The following CFAP20DC variants were observed in gnomAD, a reference collection of about 807,000 sequenced individuals.
CFAP20DC encodes protein CFAP20DC.
Under a neutral mutation model 101.7 loss-of-function variants are expected in CFAP20DC, and 84 were observed. The ratio of observed to expected loss-of-function variants is 0.83; its 90% CI spans 0.69 to 0.99. The LOEUF is 0.99. CFAP20DC is among the 50% of genes least tolerant of loss of function. The pLI is 0.00. For synonymous variants in CFAP20DC, 359 were observed against 351.2 expected (o/e 1.02, Z -0.25); for missense variants, 1,007 against 970.3 (o/e 1.04, Z -0.50).
intron 15 of CFAP20DC, among the ~76,000 whole-genome samples, chr3:58,785,449 C>T (rs1200335906): frequency 6.6e-6 from 1 of 151,986 alleles, no homozygotes; most frequent in African/African-American, 2.4e-5. Context: ...GATACCAACA[C>T]ACAGAAATGA....
rs1392373336 is a variant in CFAP20DC, at chr3:58,892,561, T to C, written c.551-7852A>G. On this transcript the variant is annotated intron_variant, in intron 6 of 16. Coordinates refer to ENST00000482387, the MANE Select transcript of CFAP20DC (RefSeq NM_001394063.1). This position sits in a 1 kb window ranked among gnomAD's most constrained non-coding sequence, Gnocchi z 4.0. Reference sequence around the variant, plus strand: ...AGAGGTCCTTCAATTCCTTTGTTAATTGTATTCCTAGATATTTTATTCTTT... The same window carrying C: ...AGAGGTCCTTCAATTCCTTTGTTAACTGTATTCCTAGATATTTTATTCTTT... 2.6e-5 allele frequency among the ~76,000 whole-genome samples: 4 copies of C among 152,250 alleles called. No homozygotes were observed. The highest frequency in any genetic ancestry group is 5.9e-5 in the Non-Finnish European group (4 of 68,050).
intron 5 of CFAP20DC, among the ~76,000 whole-genome samples, chr3:58,923,747 T>G (rs556020416): frequency 6.6e-6 from 1 of 152,200 alleles, no homozygotes; most frequent in Non-Finnish European, 1.5e-5. Flanking sequence ...CCTCAGCTTA[T>G]GATTTGTTGA....
chr3:58,747,593 T>A (rs527721440), intron 16 of CFAP20DC, among the ~76,000 whole-genome samples: 1 of 152,340 alleles, frequency 6.6e-6, no homozygotes, highest in African/African-American at 2.4e-5. Flanking sequence ...TTTTCTCTCC[T>A]ATAGATCTTG....
chr3:58,990,463 G>A (rs1252111745), intron 4 of CFAP20DC, among the ~76,000 whole-genome samples: 1 of 152,160 alleles, frequency 6.6e-6, no homozygotes, highest in Non-Finnish European at 1.5e-5. Context: ...GTACTGCACA[G>A]AGTAAACAGG....
chr3:58,975,374 C>T (rs2092216639), intron 4 of CFAP20DC, among the ~76,000 whole-genome samples: 1 of 152,130 alleles, frequency 6.6e-6, no homozygotes, highest in African/African-American at 2.4e-5. Context: ...CAAATGCCTG[C>T]CTCACAGTAG....
At chr3:58,954,466 C>T (rs1012096087) in intron 4 of CFAP20DC, among the ~76,000 whole-genome samples, 3 of 152,126 alleles carry the variant, frequency 2.0e-5, no homozygotes, top group African/African-American at 7.2e-5. Context: ...TTAGGATGCA[C>T]ATTTTCAGTG....
chr3:58,943,166 T>C (rs1346251225), intron 4 of CFAP20DC, among the ~76,000 whole-genome samples: 1 of 152,166 alleles, frequency 6.6e-6, no homozygotes, highest in African/African-American at 2.4e-5. Context: ...GACTTAAATG[T>C]TCCTGCCTGC....
chr3:58,842,143 T>G (rs555693090), intron 13 of CFAP20DC, among the ~76,000 whole-genome samples: 1 of 152,312 alleles, frequency 6.6e-6, no homozygotes, highest in African/African-American at 2.4e-5. Context: ...TCCTTAAGAA[T>G]TACCAGTACT....
At chr3:58,836,980 G>C (rs1281109383) in intron 13 of CFAP20DC, among the ~76,000 whole-genome samples, 3 of 152,146 alleles carry the variant, frequency 2.0e-5, no homozygotes, top group Non-Finnish European at 2.9e-5. Flanking sequence ...GAAGGAGAAG[G>C]AGGGTAATAT....
chr3:58,812,117 C>A (rs191207251), intron 14 of CFAP20DC, among the ~76,000 whole-genome samples: 1 of 152,144 alleles, frequency 6.6e-6, no homozygotes, highest in Non-Finnish European at 1.5e-5. Flanking sequence ...GGACTGTAAA[C>A]TAGCTCGACC....
chr3:58,974,433 T>C (rs2092150245), intron 4 of CFAP20DC, among the ~76,000 whole-genome samples: 1 of 152,060 alleles, frequency 6.6e-6, no homozygotes, highest in South Asian at 2.1e-4. Flanking sequence ...GCAAAGGACA[T>C]GGTTTTGTTC....
At chr3:59,041,543 T>G (rs1484893590) in intron 3 of CFAP20DC, among the ~76,000 whole-genome samples, 1 of 152,110 alleles carries the variant, frequency 6.6e-6, no homozygotes, top group African/African-American at 2.4e-5. Context: ...TGACTATTCA[T>G]GTCTACATTA....
At chr3:58,817,934 C>G (rs879493560) in intron 14 of CFAP20DC, among the ~76,000 whole-genome samples, 1,544 of 150,498 alleles carry the variant, frequency 0.01, 22 homozygotes, top group Non-Finnish European at 0.016. Flanking sequence ...AGACTAACAG[C>G]GGATCTCTCG....
intron 4 of CFAP20DC, among the ~76,000 whole-genome samples, chr3:58,952,280 A>G (rs1374082287): frequency 6.6e-6 from 1 of 152,184 alleles, no homozygotes; most frequent in East Asian, 1.9e-4. Context: ...CCAGAAATAA[A>G]TAATTCATAA....
At chr3:59,048,671 G>T (rs1382898205) in intron 1 of CFAP20DC, among the ~76,000 whole-genome samples, 1 of 152,176 alleles carries the variant, frequency 6.6e-6, no homozygotes. Flanking sequence ...AGACTACTCC[G>T]AGAGCACTCA....
At chr3:58,890,185 AC>A (rs1162285205) in intron 6 of CFAP20DC, among the ~76,000 whole-genome samples, 9 of 142,358 alleles carry the variant, frequency 6.3e-5, no homozygotes, top group African/African-American at 1.6e-4. Flanking sequence ...CAGGGGGCTG[AC>A]CCCCCCACCT....
At position 58,965,193 on chromosome 3, in the gene CFAP20DC, GAAGGTGTT is replaced by G. The variant is rs565419627; in HGVS notation, c.279-27439_279-27432del. 6.7e-4 allele frequency among the ~76,000 whole-genome samples: 102 copies of G among 152,284 alleles called. 2 individuals carry two copies. The South Asian group carries it at 0.02, about 29-fold the overall frequency. ...TTTACAAATAAAGACACCAAGGCTC[GAAGGTGTT>G]AAGTTGCTGAATGTCATAAACCCAG... On this transcript the variant is annotated intron_variant, in intron 4 of 16. Coordinates refer to ENST00000482387, the MANE Select transcript of CFAP20DC (RefSeq NM_001394063.1).
At position 59,006,863 on chromosome 3, in the gene CFAP20DC, G is replaced by A. The variant is rs1281333498; in HGVS notation, c.278+32694C>T. 6.6e-6 allele frequency among the ~76,000 whole-genome samples: 1 copy of A among 152,192 alleles called. No individual in the cohort carries two copies. Among genetic ancestry groups the A allele is most frequent in the Non-Finnish European group, 1.5e-5 (1 of 68,028 alleles). Reference sequence around the variant, plus strand: ...GGGAACTGTTACAGATGCAAACACAGGAGCTGCTGACATTGTAGGCAGACT... The same window carrying A: ...GGGAACTGTTACAGATGCAAACACAAGAGCTGCTGACATTGTAGGCAGACT... On this transcript the variant is annotated intron_variant, in intron 4 of 16. Transcript: ENST00000482387. This position sits in a 1 kb window ranked among gnomAD's most constrained non-coding sequence, Gnocchi z 4.3.
chr3:58,983,974 T>C (rs2092671568), intron 4 of CFAP20DC, among the ~76,000 whole-genome samples: 2 of 152,314 alleles, frequency 1.3e-5, no homozygotes, highest in Admixed American at 6.5e-5. Context: ...GAAATTCTAA[T>C]GCATATGTGT....
Sources: allele counts gnomAD v4.1 joint callset (sites outside exome capture counted in the v4.1 genomes callset), GRCh38; gene constraint gnomAD v4.1.1; non-coding constraint Gnocchi (gnomAD v3.1); transcripts MANE v1.5; gene names NCBI Gene and HGNC (gene_info 2026-07-23, HGNC 2026-07-21).